TAFA1: variants seen among roughly 807,000 people sequenced by gnomAD.
TAFA1 encodes the protein TAFA chemokine like family member 1.
A neutral mutation model predicts 18.5 loss-of-function variants in TAFA1; 4 were observed. The ratio of observed to expected loss-of-function variants is 0.22; its 90% CI spans 0.11 to 0.49. The LOEUF (loss-of-function observed/expected upper bound fraction) is 0.49. TAFA1 is among the 20% of genes least tolerant of loss of function. The probability of loss-of-function intolerance (pLI) is 0.98; values close to 1 mark genes in which losing one functional copy is unlikely to be tolerated. For synonymous variants in TAFA1, 56 were observed against 55.2 expected (o/e 1.01, Z -0.06); for missense variants, 147 against 169.0 (o/e 0.87, Z 0.72).
At chr3:68,374,449 G>A (rs936873447) in intron 2 of TAFA1, among the ~76,000 whole-genome samples, 1 of 152,088 alleles carries the variant, frequency 6.6e-6, no homozygotes, top group African/African-American at 2.4e-5. Context: ...TATATATACT[G>A]ATACAAAGAA....
At chr3:68,197,307 T>C (rs2066421733) in intron 2 of TAFA1, among the ~76,000 whole-genome samples, 1 of 151,812 alleles carries the variant, frequency 6.6e-6, no homozygotes. Context: ...ATAATATTGC[T>C]TTTTAAAATA....
chr3:68,459,757 A>G lies in TAFA1; in HGVS notation c.259+42337A>G, dbSNP rs148094966. Among the ~76,000 whole-genome samples the G allele has an allele frequency of 6.5e-3, 994 of 152,346 alleles. 17 individuals carry two copies. The highest frequency in any genetic ancestry group is 0.022 in the African/African-American group (916 of 41,580). On this transcript the variant is annotated intron_variant, in intron 3 of 4. Transcript: ENST00000478136. ...CCATATAAGACTTTCACTTTAAGAT[A>G]TCCCAGTCAAATACTCATGAATATC...
At chr3:68,370,212 C>T (rs1342839632) in intron 2 of TAFA1, among the ~76,000 whole-genome samples, 3 of 128,070 alleles carry the variant, frequency 2.3e-5, no homozygotes, top group Admixed American at 8.6e-5. Flanking sequence ...GGCATGAACC[C>T]GGGAGGCGGA....
chr3:68,330,267 C>T (rs761085291), intron 2 of TAFA1, among the ~76,000 whole-genome samples: 13 of 152,180 alleles, frequency 8.5e-5, no homozygotes, highest in Non-Finnish European at 1.8e-4. Context: ...GTTTGGGTTG[C>T]ATGCCCTTTC....
At chr3:68,325,976 A>T (rs535974119) in intron 2 of TAFA1, among the ~76,000 whole-genome samples, 135 of 152,252 alleles carry the variant, frequency 8.9e-4, no homozygotes, top group Non-Finnish European at 1.6e-3. Flanking sequence ...TACACAAGGG[A>T]CTCATTACAG....
At position 68,098,266 on chromosome 3, in the gene TAFA1, T is replaced by TA. The variant is rs2065110517; in HGVS notation, c.118+91525dup. Among the ~76,000 whole-genome samples the TA allele has an allele frequency of 3.9e-5, 6 of 152,140 alleles. No homozygotes were observed. The South Asian group carries it at 1.0e-3, about 26-fold the overall frequency. On this transcript the variant is annotated intron_variant, in intron 2 of 4. Coordinates refer to ENST00000478136, the MANE Select transcript of TAFA1 (RefSeq NM_213609.4). The stretch of plus-strand genomic sequence containing the variant: ...ATTTTAAGGTGTGACTGTTTTTTTT[T>TA]AAATGTTTCTGTTACATGCATCTAA...
the TAFA1 span, among the ~76,000 whole-genome samples, chr3:67,998,741 G>C: frequency 3.3e-5 from 5 of 152,176 alleles, no homozygotes; most frequent in African/African-American, 1.2e-4. Context: ...ATCCTGGAAG[G>C]CAGAGAGAGT....
intron 2 of TAFA1, among the ~76,000 whole-genome samples, chr3:68,265,936 G>GA (rs1559588465): frequency 6.6e-6 from 1 of 151,930 alleles, no homozygotes; most frequent in Non-Finnish European, 1.5e-5. Flanking sequence ...ATATTAAGAA[G>GA]AAAAAAAATT....
intron 2 of TAFA1, among the ~76,000 whole-genome samples, chr3:68,156,847 C>T (rs2065873217): frequency 6.6e-6 from 1 of 151,938 alleles, no homozygotes; most frequent in African/African-American, 2.4e-5. Context: ...ATTAATATCC[C>T]TATTTTATAG....
At chr3:68,268,430 G>C (rs1425628920) in intron 2 of TAFA1, among the ~76,000 whole-genome samples, 1 of 152,052 alleles carries the variant, frequency 6.6e-6, no homozygotes, top group East Asian at 1.9e-4. Context: ...CATGGATGGG[G>C]GGAGCCAGGC....
intron 2 of TAFA1, among the ~76,000 whole-genome samples, chr3:68,205,079 A>C (rs1475574972): frequency 6.6e-6 from 1 of 151,886 alleles, no homozygotes; most frequent in Non-Finnish European, 1.5e-5. Context: ...AAGCCCGAGA[A>C]AATGAACCAT....
intron 2 of TAFA1, among the ~76,000 whole-genome samples, chr3:68,335,413 G>A (rs1183692068): frequency 3.3e-5 from 5 of 151,948 alleles, no homozygotes; most frequent in Admixed American, 3.3e-4. Context: ...AGCAATGAAT[G>A]AGTTATCCAT....
chr3:68,258,136 G>A (rs922814111), intron 2 of TAFA1, among the ~76,000 whole-genome samples: 11 of 152,190 alleles, frequency 7.2e-5, no homozygotes, highest in Non-Finnish European at 1.5e-5. Context: ...TTAGTTAATA[G>A]TAATGTGTCA....
chr3:68,400,517 T>G (rs1270845701), intron 2 of TAFA1, among the ~76,000 whole-genome samples: 3 of 152,190 alleles, frequency 2.0e-5, no homozygotes, highest in Non-Finnish European at 4.4e-5. Flanking sequence ...ACCATCAGCA[T>G]TTGAACCCCA....
At chr3:68,080,020 A>C (rs2064876616) in intron 2 of TAFA1, among the ~76,000 whole-genome samples, 1 of 152,042 alleles carries the variant, frequency 6.6e-6, no homozygotes. Context: ...ATATATATTT[A>C]GGATAGTTAG....
At chr3:68,476,118 T>C (rs1258141103) in intron 3 of TAFA1, among the ~76,000 whole-genome samples, 3 of 152,198 alleles carry the variant, frequency 2.0e-5, no homozygotes, top group Non-Finnish European at 4.4e-5. Context: ...GGCAAGGACT[T>C]CATGTCTAAA....
chr3:68,176,293 G>A (rs1046565146), intron 2 of TAFA1, among the ~76,000 whole-genome samples: 4 of 152,106 alleles, frequency 2.6e-5, no homozygotes, highest in Non-Finnish European at 5.9e-5. Context: ...ACAAGCCTGG[G>A]CAACATATTG....
chr3:68,087,190 A>T (rs1216103914), intron 2 of TAFA1, among the ~76,000 whole-genome samples: 1 of 152,202 alleles, frequency 6.6e-6, no homozygotes, highest in Non-Finnish European at 1.5e-5. Flanking sequence ...TAAAGCTCTC[A>T]TACTCAGCTA....
At chr3:68,118,417 T>A (rs1378303968) in intron 2 of TAFA1, among the ~76,000 whole-genome samples, 4 of 152,158 alleles carry the variant, frequency 2.6e-5, no homozygotes, top group Non-Finnish European at 5.9e-5. Flanking sequence ...CTTGCTCACC[T>A]GCCGCTCACC....
Sources: allele counts gnomAD v4.1 joint callset (sites outside exome capture counted in the v4.1 genomes callset), GRCh38; gene constraint gnomAD v4.1.1; transcripts MANE v1.5; gene names NCBI Gene and HGNC (gene_info 2026-07-23, HGNC 2026-07-21).